The following LPP variants were observed in gnomAD, a reference collection of about 807,000 sequenced individuals.
The protein encoded by LPP is LIM domain containing preferred translocation partner in lipoma.
In LPP, 38 loss-of-function variants were observed where a neutral mutation model predicts 60.4. The observed-to-expected ratio is 0.63, with a 90% CI of 0.49 to 0.83. The LOEUF (loss-of-function observed/expected upper bound fraction) is 0.83. Among genes scored for constraint, LPP ranks in the 40% least tolerant of loss-of-function variants. The pLI, the probability that LPP is intolerant of heterozygous loss-of-function variation, is 0.00. For synonymous variants in LPP, 328 were observed against 290.8 expected (o/e 1.13, Z -1.30); for missense variants, 902 against 783.6 (o/e 1.15, Z -1.80).
At chr3:188,405,940 T>C (rs915664555) in intron 3 of LPP, among the ~76,000 whole-genome samples, 172 bp from the exon 4 acceptor site, 14 of 152,178 alleles carry the variant, frequency 9.2e-5, no homozygotes, top group Non-Finnish European at 1.3e-4. Context: ...CTCTTTCTAT[T>C]CATGATTCCT....
At chr3:188,209,423 T>C (rs898265229) in intron 1 of LPP, among the ~76,000 whole-genome samples, 16 of 152,338 alleles carry the variant, frequency 1.1e-4, no homozygotes, top group African/African-American at 3.6e-4. Flanking sequence ...ACATTTTTTC[T>C]CTCTTTTTAG....
intron 2 of LPP, among the ~76,000 whole-genome samples, chr3:188,300,217 T>TG (rs1749324871): frequency 6.6e-6 from 1 of 152,168 alleles, no homozygotes; most frequent in Non-Finnish European, 1.5e-5. Flanking sequence ...TTTTCTTTTT[T>TG]TGTGTGTGTT....
intron 3 of LPP, among the ~76,000 whole-genome samples, chr3:188,391,892 C>T (rs1348830887): frequency 1.3e-5 from 2 of 152,124 alleles, no homozygotes; most frequent in Non-Finnish European, 2.9e-5. Context: ...CACCATTCTT[C>T]TAACAGAAAA....
Position 188,635,854 on chromosome 3 carries a change from C to T in LPP, c.1113+26010C>T, listed in dbSNP as rs532119650. On this transcript the variant is annotated intron_variant, in intron 7 of 11. Transcript: ENST00000617246. ...AATTTAGTGTTGGAGAAATTCCAGT[C>T]ACCGGGCTGATAAAAAGTGGTGTCA... Among the ~76,000 whole-genome samples the T allele has an allele frequency of 1.3e-3, 197 of 152,230 alleles. 1 individual carries two copies. The highest frequency in any genetic ancestry group is 4.6e-3 in the African/African-American group (192 of 41,536).
rs559697915 is a variant in LPP at position 188,752,003 on chromosome 3, AT to A, written c.1241-8109del. 9.2e-5 allele frequency among the ~76,000 whole-genome samples: 14 copies of A among 152,282 alleles called. No individual in the cohort carries two copies. In the East Asian group the frequency reaches 1.9e-3, roughly 21 times the overall value. ...CTCTATTTTCCACTCATTGACTGTC[AT>A]CTTTAGAGAACAGTCCAAAGCATGT... On this transcript the variant is annotated intron_variant, in intron 8 of 11. Coordinates refer to ENST00000617246, the MANE Select transcript of LPP (RefSeq NM_001375462.1).
intron 5 of LPP, among the ~76,000 whole-genome samples, chr3:188,486,280 G>A (rs557011943): frequency 3.9e-5 from 6 of 152,216 alleles, no homozygotes; most frequent in South Asian, 2.1e-4. Flanking sequence ...TGATTCATTC[G>A]CTCAACAAAT....
chr3:188,502,110 A>G (rs1163005837), intron 5 of LPP, among the ~76,000 whole-genome samples: 1 of 152,130 alleles, frequency 6.6e-6, no homozygotes, highest in Admixed American at 6.5e-5. Context: ...AACATGTCCC[A>G]TGTGCACATG....
chr3:188,666,237 T>A (rs1855774046), intron 7 of LPP, among the ~76,000 whole-genome samples: 1 of 152,242 alleles, frequency 6.6e-6, no homozygotes, highest in Admixed American at 6.5e-5. Context: ...TGATTCTATT[T>A]GTAGTCAAGT....
intron 4 of LPP, among the ~76,000 whole-genome samples, chr3:188,474,150 G>T (rs6444294): frequency 0.99 from 151,399 of 152,348 alleles, 75,236 homozygotes; most frequent in Middle Eastern, 1. Context: ...ATTTAATATA[G>T]GTAGTTTTGT....
rs187150938 is a variant in LPP at position 188,436,333 on chromosome 3, C to T, written c.193+30020C>T. ...CAGTTTTAGTAAATTTTATTTTACACGAAGAAACTGAGGCTAAAAGAAACG... is the reference window on the plus strand; with the variant it reads ...CAGTTTTAGTAAATTTTATTTTACATGAAGAAACTGAGGCTAAAAGAAACG... On this transcript the variant is annotated intron_variant, in intron 4 of 11. Coordinates refer to ENST00000617246, the MANE Select transcript of LPP (RefSeq NM_001375462.1). Among the ~76,000 whole-genome samples, 77 of 152,156 alleles carry T rather than the reference C, an allele frequency of 5.1e-4. No individual in the cohort carries two copies. In the East Asian group the frequency reaches 0.012, roughly 24 times the overall value.
intron 4 of LPP, among the ~76,000 whole-genome samples, chr3:188,450,567 A>C (rs1425201976): frequency 6.6e-6 from 1 of 152,140 alleles, no homozygotes; most frequent in Admixed American, 6.5e-5. Context: ...CAACATGGTG[A>C]AACTCCTTCT....
At chr3:188,815,977 A>G (rs1413657167) in intron 9 of LPP, among the ~76,000 whole-genome samples, 1 of 152,212 alleles carries the variant, frequency 6.6e-6, no homozygotes, top group Non-Finnish European at 1.5e-5. Context: ...TAAATTTCAT[A>G]AGAAAAAAAT....
chr3:188,822,109 T>C (rs1754136821), intron 9 of LPP, among the ~76,000 whole-genome samples: 1 of 152,268 alleles, frequency 6.6e-6, no homozygotes, highest in African/African-American at 2.4e-5. Flanking sequence ...TTCAGAAGCA[T>C]GGGACCTTGG....
intron 6 of LPP, among the ~76,000 whole-genome samples, chr3:188,554,646 A>G (rs1341023574): frequency 6.6e-6 from 1 of 152,148 alleles, no homozygotes. Flanking sequence ...CACAATCCAA[A>G]TCTATGGTGA....
chr3:188,313,771 G>C (rs556756119), intron 2 of LPP, among the ~76,000 whole-genome samples: 10 of 152,174 alleles, frequency 6.6e-5, no homozygotes, highest in Non-Finnish European at 1.0e-4. Flanking sequence ...GAATACTAAT[G>C]CCTTTCCATT....
At chr3:188,490,639 C>T (rs1808057722) in intron 5 of LPP, among the ~76,000 whole-genome samples, 1 of 151,872 alleles carries the variant, frequency 6.6e-6, no homozygotes, top group Non-Finnish European at 1.5e-5. Flanking sequence ...GCTAGGATTA[C>T]AGGTATGAGC....
chr3:188,841,400 T>G (rs973292591), intron 9 of LPP, among the ~76,000 whole-genome samples: 1 of 147,830 alleles, frequency 6.8e-6, no homozygotes, highest in Non-Finnish European at 1.5e-5. Flanking sequence ...TTTGTTTTTT[T>G]TTTTTTTTTT....
intron 2 of LPP, among the ~76,000 whole-genome samples, chr3:188,315,212 G>A (rs6809654): frequency 0.37 from 55,905 of 151,746 alleles, 11,109 homozygotes; most frequent in East Asian, 0.67. Context: ...TCTCATGATT[G>A]TTTTCATTTC....
chr3:188,441,051 C>T (rs1162248055), intron 4 of LPP, among the ~76,000 whole-genome samples: 2 of 143,124 alleles, frequency 1.4e-5, no homozygotes, highest in East Asian at 2.2e-4. Flanking sequence ...TGTGTGCGTG[C>T]CTGTATACAT....
Sources: gnomAD v4.1 joint callset for allele counts (sites outside exome capture counted in the v4.1 genomes callset) on GRCh38, gnomAD v4.1.1 for gene constraint, MANE v1.5 for transcripts, NCBI Gene and HGNC (gene_info 2026-07-23, HGNC 2026-07-21) for gene names.